CASR: variants seen among roughly 807,000 people sequenced by gnomAD.
CASR encodes calcium sensing receptor.
CASR carries 23 observed loss-of-function variants against 69.1 expected under a neutral mutation model. That is an observed-to-expected ratio of 0.33 (90% CI 0.24 to 0.47). CASR has a LOEUF of 0.47. CASR is among the 20% of genes least tolerant of loss of function. CASR has a pLI of 1.00. For missense variants in CASR, 924 were observed against 1,356.1 expected, an observed-to-expected ratio of 0.68 and a Z score of 5.00; for synonymous variants, 541 against 544.7, an observed-to-expected ratio of 0.99 and a Z score of 0.10.
chr3:122,211,772 A>G (rs1261216037), intron 1 of CASR, among the ~76,000 whole-genome samples: 1 of 138,074 alleles, frequency 7.2e-6, no homozygotes. Context: ...GACACTTCTC[A>G]AAAGAAAACA....
intron 1 of CASR, among the ~76,000 whole-genome samples, chr3:122,202,937 A>C (rs956293750): frequency 6.6e-6 from 1 of 152,210 alleles, no homozygotes; most frequent in African/African-American, 2.4e-5. Context: ...AATACACAGT[A>C]CCATCTGTCA....
chr3:122,185,207 G>A (rs35108748), intron 1 of CASR, among the ~76,000 whole-genome samples: 3,211 of 152,082 alleles, frequency 0.021, 110 homozygotes, highest in African/African-American at 0.075. Context: ...ATCTTCTACA[G>A]GCAATGCGTG....
intron 4 of CASR, among the ~76,000 whole-genome samples, chr3:122,273,882 AC>A (rs2074786349): frequency 6.6e-6 from 1 of 152,186 alleles, no homozygotes; most frequent in Non-Finnish European, 1.5e-5. Context: ...AAGGATGTAC[AC>A]CACTCTGGGT....
chr3:122,218,788 A>T lies in CASR; in HGVS notation c.-243+34976A>T, dbSNP rs185149095. The stretch of plus-strand genomic sequence containing the variant: ...ACTGAAGAGTTGACAATATGCAAGT[A>T]AACAAATAGTGATGTGTTTGCATTG... On this transcript the variant is annotated intron_variant, in intron 1 of 6. Transcript: ENST00000639785. Among the ~76,000 whole-genome samples, 8 of 152,372 alleles carry T rather than the reference A, an allele frequency of 5.3e-5. No individual in the cohort carries two copies. In the East Asian group the frequency reaches 1.2e-3, roughly 22 times the overall value.
rs1045493783 is a variant in CASR at position 122,286,343 on chromosome 3, C to T, written c.*1152C>T. The T allele has an allele frequency of 1.7e-4, 26 of 152,202 alleles. No homozygotes were observed. The highest frequency in any genetic ancestry group is 5.8e-4 in the African/African-American group (24 of 41,440). The allele number at this position is 152,202 out of a possible 1,614,324, so 9.4% of individuals were successfully genotyped here. ...CTGTAGGCAGGGAACCTTAACCTCT[C>T]TAAGCCACAGCTTCTTCATCTTTAA... On this transcript the variant is annotated 3_prime_UTR_variant, in exon 7 of 7. Transcript: ENST00000639785.
At chr3:122,248,383 AG>A (rs921696664) in intron 1 of CASR, among the ~76,000 whole-genome samples, 3 of 109,996 alleles carry the variant, frequency 2.7e-5, no homozygotes, top group African/African-American at 1.0e-4. Context: ...AAACTTTTTC[AG>A]GTTTATTTTT....
Position 122,221,265 on chromosome 3 carries a change from C to T in CASR, c.-242-32683C>T, listed in dbSNP as rs544101667. 2.3e-4 allele frequency among the ~76,000 whole-genome samples: 35 copies of T among 152,164 alleles called. No homozygotes were observed. In the South Asian group the frequency reaches 3.3e-3, roughly 14 times the overall value. On this transcript the variant is annotated intron_variant, in intron 1 of 6. Transcript: ENST00000639785. ...TTGGGAAATGCTACTTTAAGATTAC[C>T]ATTCATTTTCTTTTCCCCTCACCCC...
rs758712301 is a variant in CASR at position 122,284,017 on chromosome 3, T to G, written c.2063T>G (p.Phe688Cys). The G allele has an allele frequency of 6.2e-7, 1 of 1,614,130 alleles. No homozygotes were observed. Among genetic ancestry groups the G allele is most frequent in the South Asian group, 1.1e-5 (1 of 91,078 alleles). Reference protein sequence around the residue: ...RLRQPAFGISFVLCISCILVK... With the variant: ...RLRQPAFGISCVLCISCILVK... ...CGCCAGCCGGCCTTTGGCATCAGCT[T>G]CGTGCTCTGCATCTCATGCATCCTG... is the stretch of plus-strand genomic sequence containing the variant. The change falls in exon 7 of 7, where the codon TTC becomes TGC. Residue 688 changes from phenylalanine (F) to cysteine (C), a missense_variant. This residue lies in a region of CASR where 184 missense variants were observed against 278.8 expected (regional missense o/e 0.66). Coordinates refer to ENST00000639785, the MANE Select transcript of CASR (RefSeq NM_000388.4).
chr3:122,291,043 T>C lies in CASR; in HGVS notation c.*5852T>C, dbSNP rs2075008461. On this transcript the variant is annotated 3_prime_UTR_variant, in exon 7 of 7. Coordinates refer to ENST00000639785, the MANE Select transcript of CASR (RefSeq NM_000388.4). ...TGGTTTCCAGCTTCATCCATGTCCC[T>C]ACAAAGGACACGAACTCCTCATTTT... is the stretch of plus-strand genomic sequence containing the variant. 6.6e-6 allele frequency: 1 copy of C among 150,680 alleles called. No individual in the cohort carries two copies. Among genetic ancestry groups the C allele is most frequent in the African/African-American group, 2.4e-5 (1 of 41,076 alleles). The allele number at this position is 150,680 out of a possible 1,614,324, so 9.3% of individuals were successfully genotyped here.
In CASR at chr3:122,284,144, C is replaced by T. The variant is rs2074933154; in HGVS notation, c.2190C>T (p.Leu730=). ...GLNLQFLLVF[L]CTFMQIVICV... ...ACCTGCAGTTCCTGCTGGTTTTCCTCTGCACCTTCATGCAGATTGTCATCT... is the reference window on the plus strand; with the variant it reads ...ACCTGCAGTTCCTGCTGGTTTTCCTTTGCACCTTCATGCAGATTGTCATCT... The change falls in exon 7 of 7, where the codon CTC becomes CTT. Residue 730 remains leucine, a synonymous_variant. Transcript: ENST00000639785. 1 of 1,613,740 alleles carries T rather than the reference C, an allele frequency of 6.2e-7. No individual in the cohort carries two copies. The highest frequency in any genetic ancestry group is 8.5e-7 in the Non-Finnish European group (1 of 1,179,666).
chr3:122,277,459 T>C (rs766820203), intron 5 of CASR, among the ~76,000 whole-genome samples: 1 of 152,216 alleles, frequency 6.6e-6, no homozygotes, highest in Non-Finnish European at 1.5e-5. Context: ...TTACCCAGTA[T>C]GTAGATGGAT....
chr3:122,215,740 T>C (rs2074111314), intron 1 of CASR, among the ~76,000 whole-genome samples: 1 of 152,198 alleles, frequency 6.6e-6, no homozygotes, highest in East Asian at 1.9e-4. Flanking sequence ...AATAAGGTAA[T>C]GATTAAGCCG....
intron 5 of CASR, among the ~76,000 whole-genome samples, chr3:122,280,384 G>T (rs1204488208): frequency 6.6e-6 from 1 of 152,128 alleles, no homozygotes; most frequent in South Asian, 2.1e-4. Context: ...AGAAATAAAG[G>T]GTATTCAAAT....
intron 1 of CASR, among the ~76,000 whole-genome samples, chr3:122,232,808 A>G (rs1478010653): frequency 6.6e-6 from 1 of 152,164 alleles, no homozygotes; most frequent in East Asian, 1.9e-4. Flanking sequence ...GATTGCTGAG[A>G]AAGAGAAAAG....
Position 122,254,311 on chromosome 3 carries a change from A to G in CASR, c.122A>G (p.His41Arg). Residue 41 changes from histidine (H) to arginine (R), a missense_variant, in exon 2 of 7, where the codon CAT (histidine) becomes CGT (arginine). Coordinates refer to ENST00000639785, the MANE Select transcript of CASR (RefSeq NM_000388.4). ...ATCCTTGGGGGGCTCTTTCCTATTC[A>G]TTTTGGAGTAGCAGCTAAAGATCAA... ...DIILGGLFPIHFGVAAKDQDL... is the reference protein window; with the variant it reads ...DIILGGLFPIRFGVAAKDQDL... The G allele has an allele frequency of 1.2e-6, 2 of 1,614,184 alleles. No individual in the cohort carries two copies. Among genetic ancestry groups the G allele is most frequent in the Non-Finnish European group, 1.7e-6 (2 of 1,180,042 alleles).
chr3:122,282,281 C>T (rs762381427), intron 6 of CASR, 45 bp downstream of exon 6: 31 of 1,602,756 alleles, frequency 1.9e-5, no homozygotes, highest in Admixed American at 1.3e-4. Flanking sequence ...TGGTCCACTT[C>T]GGAGGCCTGG....
At chr3:122,270,255 A>G (rs1322177065) in intron 4 of CASR, among the ~76,000 whole-genome samples, 1 of 152,226 alleles carries the variant, frequency 6.6e-6, no homozygotes, top group Non-Finnish European at 1.5e-5. Context: ...CACATCGTCT[A>G]ATTTGCCAAA....
intron 1 of CASR, among the ~76,000 whole-genome samples, chr3:122,194,833 A>G (rs572971973): frequency 1.3e-5 from 2 of 152,224 alleles, no homozygotes; most frequent in South Asian, 2.1e-4. Flanking sequence ...TTGCCTGCCC[A>G]TTCCCAGCTT....
intron 1 of CASR, among the ~76,000 whole-genome samples, chr3:122,224,787 A>G (rs906149675): frequency 2.0e-5 from 3 of 152,216 alleles, no homozygotes; most frequent in African/African-American, 7.2e-5. Flanking sequence ...CCCTGACTTC[A>G]AACTATACTA....
Sources: gnomAD v4.1 joint callset for allele counts (sites outside exome capture counted in the v4.1 genomes callset) on GRCh38, gnomAD v4.1.1 for gene constraint, gnomAD v4.1.1 regional missense constraint, MANE v1.5 for transcripts, NCBI Gene and HGNC (gene_info 2026-07-23, HGNC 2026-07-21) for gene names.